The following TENM2 variants were observed in gnomAD, a reference collection of about 807,000 sequenced individuals.
TENM2 encodes the protein teneurin transmembrane protein 2.
TENM2 carries 52 observed loss-of-function variants against 245.2 expected under a neutral mutation model. The ratio of observed to expected loss-of-function variants is 0.21; its 90% CI spans 0.17 to 0.27. The LOEUF is 0.27. TENM2 is among the 10% of genes least tolerant of loss of function. The pLI is 1.00. For synonymous variants in TENM2, 1,363 were observed against 1,438.9 expected (o/e 0.95, Z 1.19); for missense variants, 3,046 against 3,666.8 (o/e 0.83, Z 4.37).
intron 2 of TENM2, among the ~76,000 whole-genome samples, chr5:167,597,213 A>T (rs1429998740): frequency 7.1e-5 from 10 of 140,786 alleles, no homozygotes; most frequent in African/African-American, 2.7e-4. Context: ...TGCCCAGGCT[A>T]GAGTGCAGTG....
At chr5:167,739,455 C>G (rs1761024883) in intron 2 of TENM2, among the ~76,000 whole-genome samples, 1 of 152,136 alleles carries the variant, frequency 6.6e-6, no homozygotes, top group African/African-American at 2.4e-5. Context: ...TAGTGGGATT[C>G]CAGTTACCTG....
At chr5:167,045,123 G>A in the TENM2 span, among the ~76,000 whole-genome samples, 2 of 152,162 alleles carry the variant, frequency 1.3e-5, no homozygotes, top group Non-Finnish European at 2.9e-5. Context: ...ATTTGACAAG[G>A]AAGAAGAAGA....
At chr5:167,282,720 G>A (rs62388767), upstream of TENM2, among the ~76,000 whole-genome samples, 6,657 of 152,202 alleles carry the variant, frequency 0.044, 204 homozygotes, top group Non-Finnish European at 0.066. Flanking sequence ...ATCCAATTAA[G>A]ACTTCAATGG....
chr5:167,165,673 A>G, the TENM2 span, among the ~76,000 whole-genome samples: 2 of 152,152 alleles, frequency 1.3e-5, no homozygotes, highest in African/African-American at 4.8e-5. Flanking sequence ...GATCAAGGTA[A>G]AATAAGACCA....
intron 2 of TENM2, among the ~76,000 whole-genome samples, chr5:167,739,453 T>A (rs1761024696): frequency 6.6e-6 from 1 of 152,138 alleles, no homozygotes; most frequent in African/African-American, 2.4e-5. Context: ...CTTAGTGGGA[T>A]TCCAGTTACC....
intron 2 of TENM2, among the ~76,000 whole-genome samples, chr5:167,664,362 A>T (rs1755436763): frequency 6.6e-6 from 1 of 152,220 alleles, no homozygotes; most frequent in Non-Finnish European, 1.5e-5. Context: ...GTTGACTGTC[A>T]AAACTTTTTT....
At chr5:167,603,318 T>C (rs999567285) in intron 2 of TENM2, among the ~76,000 whole-genome samples, 1 of 152,192 alleles carries the variant, frequency 6.6e-6, no homozygotes, top group Admixed American at 6.5e-5. Flanking sequence ...CCGTGTTGGC[T>C]TCCAGATATC....
chr5:167,308,315 C>T (rs1292105437), intron 1 of TENM2, among the ~76,000 whole-genome samples: 1 of 152,212 alleles, frequency 6.6e-6, no homozygotes, highest in East Asian at 1.9e-4. Flanking sequence ...GGGCCAGAGT[C>T]ATCTTCTGTA....
At position 167,983,388 on chromosome 5, in the gene TENM2, T is replaced by C. The variant is rs553548737; in HGVS notation, c.948-9556T>C. 7.9e-4 allele frequency among the ~76,000 whole-genome samples: 121 copies of C among 152,310 alleles called. 1 individual carries two copies. Among genetic ancestry groups the C allele is most frequent in the Non-Finnish European group, 1.4e-3 (98 of 68,012 alleles). Reference sequence around the variant, plus strand: ...TATTTAAATATCAAGAGTCGAAGCTTCTATTTAGAAAACGGAAGGCAATAA... The same window carrying C: ...TATTTAAATATCAAGAGTCGAAGCTCCTATTTAGAAAACGGAAGGCAATAA... On this transcript the variant is annotated intron_variant, in intron 4 of 28. Coordinates refer to ENST00000518659, the Ensembl canonical transcript of TENM2.
intron 2 of TENM2, among the ~76,000 whole-genome samples, chr5:167,870,878 A>G (rs1772774100): frequency 6.6e-6 from 1 of 152,054 alleles, no homozygotes; most frequent in Non-Finnish European, 1.5e-5. Flanking sequence ...TACACAGAAC[A>G]TTCTAATATC....
At chr5:167,268,873 CATAGATAG>C in the TENM2 span, among the ~76,000 whole-genome samples, 5,362 of 139,550 alleles carry the variant, frequency 0.038, 107 homozygotes, top group Middle Eastern at 0.065. Context: ...CCAAAAGATA[CATAGATAG>C]ATAGATAGAT....
intron 9 of TENM2, among the ~76,000 whole-genome samples, chr5:168,108,437 C>T (rs1794422983): frequency 6.6e-6 from 1 of 152,272 alleles, no homozygotes; most frequent in South Asian, 2.1e-4. Context: ...ATGGAGACAA[C>T]AGCCATATTA....
chr5:168,109,123 C>T (rs979744024), intron 9 of TENM2, among the ~76,000 whole-genome samples: 2 of 152,136 alleles, frequency 1.3e-5, no homozygotes, highest in Non-Finnish European at 2.9e-5. Flanking sequence ...AAAAGAACGT[C>T]CCTCAGCACA....
exon 2 of TENM2, chr5:167,375,320 T>C (rs770085844): frequency 1.3e-6 from 2 of 1,551,504 alleles, no homozygotes; most frequent in South Asian, 2.4e-5. Flanking sequence ...TGACGCCGAC[T>C]CCGACACCGA....
intron 2 of TENM2, among the ~76,000 whole-genome samples, chr5:167,809,629 C>T (rs1766481443): frequency 6.6e-6 from 1 of 152,136 alleles, no homozygotes; most frequent in South Asian, 2.1e-4. Flanking sequence ...CCCCATTTCT[C>T]TTTCCTTACA....
the TENM2 span, among the ~76,000 whole-genome samples, chr5:166,991,068 A>G: frequency 1.3e-5 from 2 of 152,184 alleles, no homozygotes; most frequent in East Asian, 3.9e-4. Flanking sequence ...GAATAGTCCA[A>G]CTAGAATGCC....
chr5:167,870,161 C>A (rs1341230178), intron 2 of TENM2, among the ~76,000 whole-genome samples: 2 of 152,138 alleles, frequency 1.3e-5, no homozygotes, highest in Non-Finnish European at 2.9e-5. Context: ...AGTTTTGACT[C>A]AAGTTCTTTT....
At chr5:167,227,449 A>G in the TENM2 span, among the ~76,000 whole-genome samples, 107 of 152,304 alleles carry the variant, frequency 7.0e-4, 1 homozygote, top group African/African-American at 2.5e-3. Flanking sequence ...GGGCCAGTCT[A>G]ATGGAAATGA....
At chr5:167,180,240 G>A in the TENM2 span, among the ~76,000 whole-genome samples, 3 of 151,466 alleles carry the variant, frequency 2.0e-5, no homozygotes, top group African/African-American at 7.3e-5. Flanking sequence ...CTCCTGAGTA[G>A]CTGGGATTAC....
Sources: allele counts gnomAD v4.1 joint callset (sites outside exome capture counted in the v4.1 genomes callset), GRCh38; gene constraint gnomAD v4.1.1; transcripts MANE v1.5; gene names NCBI Gene and HGNC (gene_info 2026-07-23, HGNC 2026-07-21).